Variants in C16orf96 observed in about 807,000 individuals in gnomAD.
C16orf96 encodes uncharacterized protein C16orf96.
A neutral mutation model predicts 103.6 loss-of-function variants in C16orf96; 108 were observed. The observed-to-expected ratio is 1.04, with a 90% CI of 0.89 to 1.22. C16orf96 has a LOEUF of 1.22. Among genes scored for constraint, C16orf96 ranks in the 50% most tolerant of loss-of-function variants. The pLI, the probability that C16orf96 is intolerant of heterozygous loss-of-function variation, is 0.00. For synonymous variants in C16orf96, 566 were observed against 593.5 expected (o/e 0.95, Z 0.67); for missense variants, 1,586 against 1,464.2 (o/e 1.08, Z -1.36).
At chr16:4,549,994 A>G in the C16orf96 span, among the ~76,000 whole-genome samples, 1 of 151,902 alleles carries the variant, frequency 6.6e-6, no homozygotes, top group Non-Finnish European at 1.5e-5. Context: ...AGTCTCAGGT[A>G]TTCTTTTATA....
chr16:4,555,269 TACACACACACACAC>T (rs71139639), upstream of C16orf96, among the ~76,000 whole-genome samples: 25,081 of 145,566 alleles, frequency 0.17, 2,215 homozygotes, highest in Middle Eastern at 0.31. Context: ...TCACACACAC[TACACACACACACAC>T]ACACACACAC....
intron 7 of C16orf96, among the ~76,000 whole-genome samples, chr16:4,586,012 C>A (rs1896919759): frequency 6.6e-6 from 1 of 152,144 alleles, no homozygotes; most frequent in African/African-American, 2.4e-5. Context: ...GTAATCCCAG[C>A]ACTTTGGGAG....
the C16orf96 span, among the ~76,000 whole-genome samples, chr16:4,543,158 G>C: frequency 6.6e-6 from 1 of 152,216 alleles, no homozygotes; most frequent in African/African-American, 2.4e-5. Context: ...AACAAGGAAG[G>C]CTTCAGAGAG....
upstream of C16orf96, among the ~76,000 whole-genome samples, chr16:4,553,559 C>G (rs994067219): frequency 6.6e-6 from 1 of 152,028 alleles, no homozygotes; most frequent in Non-Finnish European, 1.5e-5. Flanking sequence ...GCTGGTCTCA[C>G]GCTCTACTCC....
chr16:4,586,929 A>T, intron 7 of C16orf96, 110 bp from the exon 8 acceptor site: 1 of 988,748 alleles, frequency 1.0e-6, no homozygotes, highest in Non-Finnish European at 1.5e-6. Flanking sequence ...CCTGCTGTCC[A>T]CACGGCCTGC....
At chr16:4,570,184 A>C (rs2059422623) in intron 1 of C16orf96, among the ~76,000 whole-genome samples, 1 of 152,114 alleles carries the variant, frequency 6.6e-6, no homozygotes, top group Admixed American at 6.6e-5. Context: ...CCTGAGCTCA[A>C]ATGATACTCC....
Position 4,600,671 on chromosome 16 carries a change from G to A in C16orf96, c.*354G>A. 1 of 327,280 alleles carries A rather than the reference G, an allele frequency of 3.1e-6. No homozygotes were observed. The highest frequency in any genetic ancestry group is 5.8e-6 in the Non-Finnish European group (1 of 171,676). 20.3% of individuals were successfully genotyped at this position (327,280 alleles called of 1,614,324 possible). A position where few individuals can be genotyped will look rare whatever the true frequency, so the allele number is the denominator to read the frequency against. ...AGGGGACCCCCATGCTGACCCAGTG[G>A]CTGTTTTATCCTGTGCATATAAATA... On this transcript the variant is annotated 3_prime_UTR_variant, in exon 16 of 16. Transcript: ENST00000444310.
chr16:4,566,314 C>T (rs1274992041), intron 1 of C16orf96, among the ~76,000 whole-genome samples: 4 of 152,182 alleles, frequency 2.6e-5, no homozygotes, highest in Non-Finnish European at 4.4e-5. Context: ...ATGAGAATTA[C>T]GATTTCTCCT....
At chr16:4,562,995 C>T (rs2059347970) in intron 1 of C16orf96, 1 of 1,168,098 alleles carries the variant, frequency 8.6e-7, no homozygotes, top group Non-Finnish European at 1.3e-6. Flanking sequence ...CCTCATTTTC[C>T]CAATCTGAAA....
chr16:4,575,101 C>G lies in C16orf96; in HGVS notation c.693+43C>G, dbSNP rs552683971. 1.7e-5 allele frequency: 26 copies of G among 1,549,832 alleles called. No individual in the cohort carries two copies. The African/African-American group carries it at 2.7e-4, about 16-fold the overall frequency. ...GGGAGGTTAGCAGGAAGCTGGGGAG[C>G]AGGCGGGTGGCTGACTGAGAGTGGG... is the stretch of plus-strand genomic sequence containing the variant. On this transcript the variant is annotated intron_variant, in intron 4 of 15. Transcript: ENST00000444310.
chr16:4,547,463 TA>T, the C16orf96 span, among the ~76,000 whole-genome samples: 19 of 148,630 alleles, frequency 1.3e-4, no homozygotes, highest in Non-Finnish European at 7.4e-5. Context: ...CAGTTTACAT[TA>T]AATGTCCAGA....
chr16:4,582,608 G>A (rs945420904), intron 7 of C16orf96, among the ~76,000 whole-genome samples: 5 of 152,128 alleles, frequency 3.3e-5, no homozygotes, highest in African/African-American at 1.2e-4. Context: ...GCATGCAGGG[G>A]TACGTGCTCA....
chr16:4,554,319 C>A (rs1395624416), upstream of C16orf96, among the ~76,000 whole-genome samples: 1 of 152,010 alleles, frequency 6.6e-6, no homozygotes, highest in Non-Finnish European at 1.5e-5. Context: ...ACATGCAGGG[C>A]CTAGAAAGGA....
rs1021766370 is a variant in C16orf96, at chr16:4,588,206, G to A, written c.2467G>A (p.Val823Ile). 54 of 1,551,454 alleles carry A rather than the reference G, an allele frequency of 3.5e-5. No individual in the cohort carries two copies. Among genetic ancestry groups the A allele is most frequent in the Non-Finnish European group, 4.4e-5 (50 of 1,146,970 alleles). ...TGCCCTGGCAGGCAAGGCAAGCCGC[G>A]TTGACCTGGAGACTGTGGCCTTGGA... ...RSALAGKASR[V>I]DLETVALELN... The change falls in exon 9 of 16, where the codon GTT becomes ATT. Residue 823 changes from valine to isoleucine, a missense_variant. Physicochemically the swap from Val to Ile is conservative, Grantham distance 29. Transcript: ENST00000444310.
chr16:4,555,396 C>T (rs934976102), upstream of C16orf96, among the ~76,000 whole-genome samples: 24 of 151,092 alleles, frequency 1.6e-4, no homozygotes, highest in South Asian at 8.4e-4. Flanking sequence ...TCTTTTGAGA[C>T]GGAGTCTCGC....
chr16:4,599,980 G>A (rs1433338101), intron 15 of C16orf96, 120 bp from the exon 16 acceptor site: 15 of 1,039,328 alleles, frequency 1.4e-5, no homozygotes, highest in African/African-American at 3.2e-5. Context: ...GCCGGCCATG[G>A]CCTGTACAGC....
the C16orf96 span, among the ~76,000 whole-genome samples, chr16:4,545,523 T>G: frequency 6.6e-6 from 1 of 152,184 alleles, no homozygotes; most frequent in Non-Finnish European, 1.5e-5. Flanking sequence ...TCTGTTAAAT[T>G]GATTTAGCCA....
chr16:4,559,166 C>T (rs2059301151), intron 1 of C16orf96, among the ~76,000 whole-genome samples: 1 of 152,042 alleles, frequency 6.6e-6, no homozygotes, highest in Admixed American at 6.6e-5. Context: ...AGAACTGTGC[C>T]CGTTGGTGTG....
At position 4,558,913 on chromosome 16, in the gene C16orf96, C is replaced by CAAA. The variant is rs771691344; in HGVS notation, c.420+2024_420+2026dup. Among the ~76,000 whole-genome samples, 94 of 51,402 alleles carry CAAA rather than the reference C, an allele frequency of 1.8e-3. 2 individuals carry two copies. Among genetic ancestry groups the CAAA allele is most frequent in the African/African-American group, 5.5e-3 (90 of 16,270 alleles). The allele number at this position is 51,402 out of a possible 152,430, so 33.7% of individuals were successfully genotyped here. Reference sequence around the variant, plus strand: ...CTGGTGACAGAGCGAGACTCTGTCTCAAAAAAAAAAAAAAAAAAAAAATTA... The same window carrying CAAA: ...CTGGTGACAGAGCGAGACTCTGTCTCAAAAAAAAAAAAAAAAAAAAAAAAATTA... On this transcript the variant is annotated intron_variant, in intron 1 of 15. Transcript: ENST00000444310.
Sources: allele counts gnomAD v4.1 joint callset (sites outside exome capture counted in the v4.1 genomes callset), GRCh38; gene constraint gnomAD v4.1.1; transcripts MANE v1.5; gene names NCBI Gene and HGNC (gene_info 2026-07-23, HGNC 2026-07-21).